Variants in FBXL7 observed in about 807,000 individuals in gnomAD.
FBXL7 encodes F-box/LRR-repeat protein 7.
In FBXL7, 12 loss-of-function variants were observed where a neutral mutation model predicts 38.3. The observed-to-expected ratio is 0.31, with a 90% confidence interval of 0.20 to 0.51. The LOEUF (loss-of-function observed/expected upper bound fraction) is 0.51. FBXL7 is among the 20% of genes least tolerant of loss of function. The probability of loss-of-function intolerance (pLI) is 0.98; values close to 1 mark genes in which losing one functional copy is unlikely to be tolerated. For missense variants in FBXL7, 567 were observed against 676.4 expected (o/e 0.84, Z 1.79); for synonymous variants, 297 against 300.9 (o/e 0.99, Z 0.13).
At position 15,717,820 on chromosome 5, in the gene FBXL7, G is replaced by A. The variant is rs1331963345; in HGVS notation, c.127+101748G>A. 2.6e-5 allele frequency among the ~76,000 whole-genome samples: 4 copies of A among 152,182 alleles called. No individual in the cohort carries two copies. The East Asian group carries it at 7.7e-4, about 29-fold the overall frequency. On this transcript the variant is annotated intron_variant, in intron 2 of 3. Coordinates refer to ENST00000504595, the MANE Select transcript of FBXL7 (RefSeq NM_012304.5). ...TGCCAATGTCATGAAAGATAGAAGA[G>A]CCCGGGGAAATGGTCTAGAATAAAG...
intron 1 of FBXL7, among the ~76,000 whole-genome samples, chr5:15,506,219 A>G (rs570116098): frequency 6.6e-6 from 1 of 151,668 alleles, no homozygotes; most frequent in East Asian, 2.0e-4. Context: ...CTTTGGGGCC[A>G]TTAAGAAGTA....
intron 2 of FBXL7, among the ~76,000 whole-genome samples, chr5:15,753,066 G>C (rs971554212): frequency 1.3e-5 from 2 of 152,124 alleles, no homozygotes; most frequent in Non-Finnish European, 2.9e-5. Flanking sequence ...CTACTCTGTG[G>C]CAGGCAGACT....
intron 2 of FBXL7, among the ~76,000 whole-genome samples, chr5:15,739,701 A>G (rs1458905497): frequency 1.3e-5 from 2 of 152,210 alleles, no homozygotes; most frequent in African/African-American, 2.4e-5. Context: ...TGCAGCATGT[A>G]TCAATACTTA....
chr5:15,891,757 T>TGAC (rs1033856103), intron 2 of FBXL7, among the ~76,000 whole-genome samples: 1 of 152,148 alleles, frequency 6.6e-6, no homozygotes, highest in African/African-American at 2.4e-5. Context: ...AAGGAGAAAT[T>TGAC]GACGAGAACT....
chr5:15,639,062 A>C (rs1741275043), intron 2 of FBXL7, among the ~76,000 whole-genome samples: 1 of 152,148 alleles, frequency 6.6e-6, no homozygotes, highest in Non-Finnish European at 1.5e-5. Flanking sequence ...TATTTTGGGG[A>C]TCTCTCATGT....
intron 2 of FBXL7, among the ~76,000 whole-genome samples, chr5:15,621,219 G>A (rs936319179): frequency 2.0e-5 from 3 of 152,186 alleles, no homozygotes; most frequent in Admixed American, 6.5e-5. Flanking sequence ...GATAAGTGGT[G>A]TAGACGTTCT....
chr5:15,686,794 T>A (rs1232534489), intron 2 of FBXL7, among the ~76,000 whole-genome samples: 1 of 152,116 alleles, frequency 6.6e-6, no homozygotes, highest in Non-Finnish European at 1.5e-5. Context: ...GGAAGGAAAA[T>A]GTACCAGAAA....
At chr5:15,621,985 A>C (rs1864220) in intron 2 of FBXL7, among the ~76,000 whole-genome samples, 14,955 of 152,274 alleles carry the variant, frequency 0.098, 821 homozygotes, top group Middle Eastern at 0.15. Context: ...AGATGCAAAG[A>C]TAAATGAGAA....
chr5:15,660,340 G>GCC (rs1320299283), intron 2 of FBXL7, among the ~76,000 whole-genome samples: 1 of 152,170 alleles, frequency 6.6e-6, no homozygotes, highest in East Asian at 1.9e-4. Context: ...AGAAAAAAAG[G>GCC]CCCCCACTCT....
At chr5:15,644,250 G>A (rs969738556) in intron 2 of FBXL7, among the ~76,000 whole-genome samples, 1 of 148,438 alleles carries the variant, frequency 6.7e-6, no homozygotes, top group African/African-American at 2.5e-5. Context: ...CCTGAGGTCA[G>A]GCATTCAAGA....
intron 1 of FBXL7, among the ~76,000 whole-genome samples, chr5:15,563,909 A>AT (rs1306945249): frequency 4.6e-5 from 7 of 150,644 alleles, no homozygotes; most frequent in Non-Finnish European, 1.0e-4. Context: ...ATATTTCAAA[A>AT]AAAAATGGGT....
At chr5:15,899,945 C>T (rs1404425568) in intron 2 of FBXL7, among the ~76,000 whole-genome samples, 1 of 151,960 alleles carries the variant, frequency 6.6e-6, no homozygotes, top group Non-Finnish European at 1.5e-5. Context: ...GAAATTTGTC[C>T]CTGGTACTGA....
intron 2 of FBXL7, among the ~76,000 whole-genome samples, chr5:15,694,510 A>G (rs1743272501): frequency 6.6e-6 from 1 of 152,178 alleles, no homozygotes; most frequent in Non-Finnish European, 1.5e-5. Flanking sequence ...TACCTTATAA[A>G]TAGATTTTAC....
Position 15,734,039 on chromosome 5 carries a change from G to A in FBXL7, c.127+117967G>A, listed in dbSNP as rs367931726. 2.4e-3 allele frequency among the ~76,000 whole-genome samples: 369 copies of A among 151,972 alleles called. 2 individuals carry two copies. The highest frequency in any genetic ancestry group is 8.5e-3 in the African/African-American group (352 of 41,440). On this transcript the variant is annotated intron_variant, in intron 2 of 3. Transcript: ENST00000504595. ...GGAGAATCTCTTGAACCCGGGACCC[G>A]GGAGATGGAGGGTTGCAGTGCACCA...
intron 2 of FBXL7, among the ~76,000 whole-genome samples, chr5:15,918,762 A>G (rs988611477): frequency 1.3e-5 from 2 of 152,212 alleles, no homozygotes; most frequent in African/African-American, 4.8e-5. Flanking sequence ...GTGACCAAGA[A>G]AGCAGGTCTT....
intron 2 of FBXL7, among the ~76,000 whole-genome samples, chr5:15,629,164 T>C (rs907100535): frequency 6.6e-6 from 1 of 151,138 alleles, no homozygotes; most frequent in Non-Finnish European, 1.5e-5. Flanking sequence ...CACACACCTG[T>C]TGTCCCAGCT....
At chr5:15,812,413 G>T (rs137999731) in intron 2 of FBXL7, among the ~76,000 whole-genome samples, 33 of 152,144 alleles carry the variant, frequency 2.2e-4, no homozygotes, top group African/African-American at 7.7e-4. Flanking sequence ...CTAGATGATG[G>T]GTTGATAGGT....
At chr5:15,596,721 G>A (rs1046860059) in intron 1 of FBXL7, among the ~76,000 whole-genome samples, 2 of 152,144 alleles carry the variant, frequency 1.3e-5, no homozygotes, top group Admixed American at 6.5e-5. Context: ...ATCACCAATG[G>A]CTAATGATGA....
At chr5:15,920,467 C>A (rs1465397056) in intron 2 of FBXL7, among the ~76,000 whole-genome samples, 10 of 152,186 alleles carry the variant, frequency 6.6e-5, no homozygotes, top group East Asian at 5.8e-4. Context: ...ATATTCCTTG[C>A]CATCTACTCT....
Sources: gnomAD v4.1 joint callset for allele counts (sites outside exome capture counted in the v4.1 genomes callset) on GRCh38, gnomAD v4.1.1 for gene constraint, MANE v1.5 for transcripts, NCBI Gene and HGNC (gene_info 2026-07-23, HGNC 2026-07-21) for gene names.